Variants in UVRAG observed in about 807,000 individuals in gnomAD.
The protein encoded by UVRAG is UV radiation resistance associated, also known as UV radiation resistance-associated gene protein.
UVRAG carries 19 observed loss-of-function variants against 78.0 expected under a neutral mutation model. The observed-to-expected ratio is 0.24, with a 90% CI of 0.17 to 0.36. The LOEUF is 0.36. Among genes scored for constraint, UVRAG ranks in the 10% least tolerant of loss-of-function variants. The probability of loss-of-function intolerance (pLI) is 1.00; values close to 1 mark genes in which losing one functional copy is unlikely to be tolerated. For missense variants in UVRAG, 740 were observed against 853.8 expected (o/e 0.87, Z 1.66); for synonymous variants, 323 against 324.6 (o/e 1.00, Z 0.05).
chr11:75,978,246 C>T (rs956283650), intron 7 of UVRAG, among the ~76,000 whole-genome samples: 1 of 152,148 alleles, frequency 6.6e-6, no homozygotes, highest in African/African-American at 2.4e-5. Context: ...CGCTGTTAGT[C>T]TGATGGGCTT....
At chr11:75,848,918 A>G (rs1441558870) in intron 1 of UVRAG, among the ~76,000 whole-genome samples, 1 of 151,968 alleles carries the variant, frequency 6.6e-6, no homozygotes, top group Non-Finnish European at 1.5e-5. Flanking sequence ...GTGGCTCACA[A>G]CTGTAATCTC....
intron 13 of UVRAG, among the ~76,000 whole-genome samples, chr11:76,068,922 A>G (rs1223317670): frequency 6.6e-6 from 1 of 152,224 alleles, no homozygotes; most frequent in Non-Finnish European, 1.5e-5. Context: ...AAATCATACT[A>G]TTAAAATGGC....
At chr11:75,850,512 A>T (rs1946132880) in intron 1 of UVRAG, among the ~76,000 whole-genome samples, 2 of 152,104 alleles carry the variant, frequency 1.3e-5, no homozygotes, top group South Asian at 4.2e-4. Context: ...GAGAAGTTAG[A>T]CTGTAGAGGG....
chr11:76,015,563 A>C (rs1950130808), intron 11 of UVRAG, among the ~76,000 whole-genome samples: 1 of 152,132 alleles, frequency 6.6e-6, no homozygotes, highest in Admixed American at 6.5e-5. Flanking sequence ...GTCATATATA[A>C]AGTACTATAG....
In UVRAG at chr11:75,851,865, T is replaced by C. The variant is rs540303109; in HGVS notation, c.118-18T>C. 1 of 1,588,958 alleles carries C rather than the reference T, an allele frequency of 6.3e-7. No homozygotes were observed. Among genetic ancestry groups the C allele is most frequent in the South Asian group, 1.2e-5 (1 of 86,250 alleles). On this transcript the variant is annotated intron_variant, in intron 1 of 14. Transcript: ENST00000356136. ...GGAAAAATCTGAATGCCTTCTCTTT[T>C]TTGTTGTTATTTTTCAGCGGCGTCT...
intron 6 of UVRAG, among the ~76,000 whole-genome samples, chr11:75,949,300 G>A (rs1004582892): frequency 3.3e-5 from 5 of 151,996 alleles, no homozygotes; most frequent in Non-Finnish European, 7.4e-5. Context: ...ATTTTTTGCA[G>A]GACTTTTTTC....
At chr11:75,998,036 T>A (rs1458577420) in intron 8 of UVRAG, among the ~76,000 whole-genome samples, 1 of 152,122 alleles carries the variant, frequency 6.6e-6, no homozygotes, top group East Asian at 1.9e-4. Context: ...GAGGAAAACA[T>A]GAAAGACAAC....
chr11:76,078,752 C>CAAAAAA (rs61700855), intron 13 of UVRAG, among the ~76,000 whole-genome samples: 26 of 37,200 alleles, frequency 7.0e-4, no homozygotes, highest in African/African-American at 1.6e-3. Flanking sequence ...ACTAAAAATA[C>CAAAAAA]AAAAAAAAAA....
intron 13 of UVRAG, among the ~76,000 whole-genome samples, chr11:76,104,091 A>G (rs1951930561): frequency 6.6e-6 from 1 of 152,186 alleles, no homozygotes; most frequent in African/African-American, 2.4e-5. Context: ...TTGAATTCAA[A>G]TCCCAACTCC....
intron 6 of UVRAG, among the ~76,000 whole-genome samples, chr11:75,927,230 C>A (rs118055644): frequency 6.6e-6 from 1 of 152,022 alleles, no homozygotes; most frequent in Non-Finnish European, 1.5e-5. Context: ...CCACTACGCC[C>A]GTCTAATTTT....
At chr11:75,935,997 TCTTTC>T (rs1565387841) in intron 6 of UVRAG, among the ~76,000 whole-genome samples, 3 of 152,196 alleles carry the variant, frequency 2.0e-5, no homozygotes, top group Admixed American at 2.0e-4. Flanking sequence ...AATTTCTCAG[TCTTTC>T]CTTAAGATTT....
At chr11:76,067,865 A>G (rs936286895) in intron 13 of UVRAG, among the ~76,000 whole-genome samples, 6 of 152,168 alleles carry the variant, frequency 3.9e-5, no homozygotes, top group African/African-American at 1.4e-4. Flanking sequence ...ATACTACAGG[A>G]TCCAGTTTGA....
chr11:75,818,129 C>A (rs548230141), intron 1 of UVRAG, among the ~76,000 whole-genome samples: 2 of 151,906 alleles, frequency 1.3e-5, no homozygotes, highest in East Asian at 3.9e-4. Context: ...TCCTGGAAGT[C>A]CTCCTATGTT....
intron 1 of UVRAG, among the ~76,000 whole-genome samples, chr11:75,822,503 T>C (rs1945415684): frequency 6.6e-6 from 1 of 152,142 alleles, no homozygotes; most frequent in Non-Finnish European, 1.5e-5. Flanking sequence ...CTCAGACCCA[T>C]AAAACTGTCC....
chr11:76,094,717 A>G lies in UVRAG; in HGVS notation c.1306-21207A>G, dbSNP rs574476497. Among the ~76,000 whole-genome samples, 5 of 151,962 alleles carry G rather than the reference A, an allele frequency of 3.3e-5. No individual in the cohort carries two copies. In the South Asian group the frequency reaches 6.3e-4, roughly 19 times the overall value. On this transcript the variant is annotated intron_variant, in intron 13 of 14. Transcript: ENST00000356136. The stretch of plus-strand genomic sequence containing the variant: ...GATCGGTGGTGATATCCCCTTTATC[A>G]TTTTTTATTGCATCTATTTGTTTCT...
At position 75,851,389 on chromosome 11, in the gene UVRAG, A is replaced by G. The variant is rs1407389426; in HGVS notation, c.118-494A>G. ...GATGGGGTGGATGGAGTGACCAGTG[A>G]GTCACTATTTTTATTTTTTGGCTGT... On this transcript the variant is annotated intron_variant, in intron 1 of 14. Coordinates refer to ENST00000356136, the MANE Select transcript of UVRAG (RefSeq NM_003369.4). Among the ~76,000 whole-genome samples, 6 of 152,278 alleles carry G rather than the reference A, an allele frequency of 3.9e-5. No homozygotes were observed. The South Asian group carries it at 8.3e-4, about 21-fold the overall frequency.
intron 13 of UVRAG, among the ~76,000 whole-genome samples, chr11:76,078,752 C>CAAAAAAAAAAAAAAAAAAAAAAAA (rs61700855): frequency 2.7e-5 from 1 of 37,202 alleles, no homozygotes; most frequent in African/African-American, 6.8e-5. Context: ...ACTAAAAATA[C>CAAAAAAAAAAAAAAAAAAAAAAAA]AAAAAAAAAA....
At chr11:75,973,464 T>C (rs1949166899) in intron 7 of UVRAG, among the ~76,000 whole-genome samples, 1 of 152,200 alleles carries the variant, frequency 6.6e-6, no homozygotes, top group Non-Finnish European at 1.5e-5. Context: ...GTAGTGTCTT[T>C]GGTTTTTGTG....
intron 3 of UVRAG, among the ~76,000 whole-genome samples, chr11:75,868,045 A>C (rs753000413): frequency 6.6e-5 from 10 of 152,210 alleles, no homozygotes; most frequent in Non-Finnish European, 1.3e-4. Context: ...AATGTGAAAA[A>C]ATACGCACGT....
Sources: gnomAD v4.1 joint callset for allele counts (sites outside exome capture counted in the v4.1 genomes callset) on GRCh38, gnomAD v4.1.1 for gene constraint, MANE v1.5 for transcripts, NCBI Gene and HGNC (gene_info 2026-07-23, HGNC 2026-07-21) for gene names.